The following SLMAP variants were observed in gnomAD, a reference collection of about 807,000 sequenced individuals.
The protein encoded by SLMAP is sarcolemmal membrane-associated protein.
Under a neutral mutation model 128.8 loss-of-function variants are expected in SLMAP, and 44 were observed. The observed-to-expected ratio is 0.34, with a 90% CI of 0.27 to 0.44. The LOEUF (loss-of-function observed/expected upper bound fraction) is 0.44, where lower values mean the gene tolerates loss of function less well. SLMAP is among the 20% of genes least tolerant of loss of function. The pLI, the probability that SLMAP is intolerant of heterozygous loss-of-function variation, is 1.00. For synonymous variants in SLMAP, 327 were observed against 348.8 expected, an observed-to-expected ratio of 0.94 and a Z score of 0.70; for missense variants, 787 against 985.3, an observed-to-expected ratio of 0.80 and a Z score of 2.69.
intron 13 of SLMAP, among the ~76,000 whole-genome samples, chr3:57,868,251 C>A (rs1456951318): frequency 6.6e-6 from 1 of 151,636 alleles, no homozygotes; most frequent in East Asian, 1.9e-4. Context: ...AGAGTGAGAC[C>A]CCATCTCAAA....
Position 57,857,028 on chromosome 3 carries a change from C to T in SLMAP, c.520-705C>T, listed in dbSNP as rs531905299. 1.3e-4 allele frequency among the ~76,000 whole-genome samples: 20 copies of T among 152,074 alleles called. No homozygotes were observed. The East Asian group carries it at 3.3e-3, about 25-fold the overall frequency. ...TATGTGTGTATGCATAGATATATGT[C>T]TACATACACACAGTGTGTATGTATG... On this transcript the variant is annotated intron_variant, in intron 6 of 24. Transcript: ENST00000671191.
intron 3 of SLMAP, among the ~76,000 whole-genome samples, chr3:57,832,460 C>T (rs755040012): frequency 1.3e-5 from 2 of 152,168 alleles, no homozygotes; most frequent in Non-Finnish European, 2.9e-5. Context: ...AAGCTTCCTG[C>T]CTCTACCTAG....
chr3:57,869,391 C>T (rs755431747), intron 13 of SLMAP, among the ~76,000 whole-genome samples: 3 of 151,116 alleles, frequency 2.0e-5, no homozygotes, highest in Non-Finnish European at 2.9e-5. Flanking sequence ...CAGACACACC[C>T]AGGATTAATA....
chr3:57,911,713 G>A (rs970907710), intron 19 of SLMAP, among the ~76,000 whole-genome samples: 2 of 152,016 alleles, frequency 1.3e-5, no homozygotes, highest in African/African-American at 4.8e-5. Flanking sequence ...CAAATTAATA[G>A]ATAATATGAT....
chr3:57,924,554 A>T (rs925346655), intron 23 of SLMAP, among the ~76,000 whole-genome samples: 1 of 151,892 alleles, frequency 6.6e-6, no homozygotes, highest in African/African-American at 2.4e-5. Context: ...TTTAGTAGAG[A>T]TGGGGTTTCT....
At chr3:57,919,218 T>G (rs1325774217) in intron 22 of SLMAP, among the ~76,000 whole-genome samples, 2 of 151,978 alleles carry the variant, frequency 1.3e-5, no homozygotes, top group African/African-American at 4.8e-5. Flanking sequence ...CCGTCTATAC[T>G]AAAAATACAA....
intron 3 of SLMAP, among the ~76,000 whole-genome samples, chr3:57,831,884 TC>T (rs2093359198): frequency 6.6e-6 from 1 of 152,210 alleles, no homozygotes; most frequent in Non-Finnish European, 1.5e-5. Flanking sequence ...CTCAATGAGA[TC>T]ATCAGGGATC....
chr3:57,773,992 CAATG>C (rs1311509438), intron 2 of SLMAP, among the ~76,000 whole-genome samples: 1 of 151,916 alleles, frequency 6.6e-6, no homozygotes, highest in Admixed American at 6.6e-5. Context: ...TTGAATAAAA[CAATG>C]AAAGAAGTTA....
chr3:57,919,154 G>A (rs1244396568), intron 22 of SLMAP, among the ~76,000 whole-genome samples: 1 of 152,228 alleles, frequency 6.6e-6, no homozygotes, highest in East Asian at 1.9e-4. Context: ...GCCAAGGCGG[G>A]CAGCTCACCT....
chr3:57,887,104 A>G (rs1007156703), intron 14 of SLMAP, among the ~76,000 whole-genome samples: 1 of 152,182 alleles, frequency 6.6e-6, no homozygotes, highest in Non-Finnish European at 1.5e-5. Flanking sequence ...AAGAGACTAC[A>G]CACTGAGGAA....
chr3:57,848,230 T>G (rs1023093004), intron 5 of SLMAP, among the ~76,000 whole-genome samples: 2 of 150,860 alleles, frequency 1.3e-5, no homozygotes, highest in African/African-American at 4.9e-5. Flanking sequence ...CTTTTCCTCC[T>G]TCTTGGTTTT....
At chr3:57,829,762 T>TAATGA (rs2093205722) in intron 2 of SLMAP, among the ~76,000 whole-genome samples, 1 of 152,194 alleles carries the variant, frequency 6.6e-6, no homozygotes, top group African/African-American at 2.4e-5. Context: ...AGCTACCAAT[T>TAATGA]AATGAAATGA....
At chr3:57,762,710 GTTT>G (rs752054975) in intron 2 of SLMAP, among the ~76,000 whole-genome samples, 1 of 107,756 alleles carries the variant, frequency 9.3e-6, no homozygotes, top group South Asian at 3.6e-4. Context: ...TAGTAGAATG[GTTT>G]TTTTTTTTTT....
At position 57,925,939 on chromosome 3, in the gene SLMAP, A is replaced by G. The variant is rs1244075406; in HGVS notation, c.*6+5A>G. 2 of 1,545,786 alleles carry G rather than the reference A, an allele frequency of 1.3e-6. No individual in the cohort carries two copies. Among genetic ancestry groups the G allele is most frequent in the Non-Finnish European group, 1.8e-6 (2 of 1,142,402 alleles). Reference sequence around the variant, plus strand: ...GGTCCATTGTGGTAGAGAAAGGTACAAGCACTATTGTTGAGTCCTTGTCTG... The same window carrying G: ...GGTCCATTGTGGTAGAGAAAGGTACGAGCACTATTGTTGAGTCCTTGTCTG... On this transcript the variant is annotated splice_donor_5th_base_variant and intron_variant, in intron 24 of 24. Coordinates refer to ENST00000671191, the MANE Select transcript of SLMAP (RefSeq NM_001377540.1).
chr3:57,909,886 A>C (rs537253646), intron 19 of SLMAP, among the ~76,000 whole-genome samples: 1 of 151,090 alleles, frequency 6.6e-6, no homozygotes, highest in Admixed American at 6.6e-5. Flanking sequence ...TGCTGGGATT[A>C]CAGGTGTGAG....
chr3:57,768,890 T>G (rs1033807217), intron 2 of SLMAP, among the ~76,000 whole-genome samples: 5 of 152,124 alleles, frequency 3.3e-5, no homozygotes, highest in Non-Finnish European at 7.3e-5. Flanking sequence ...ACACAACAGC[T>G]CTTCCCTGAA....
chr3:57,919,165 G>A (rs1239248480), intron 22 of SLMAP, among the ~76,000 whole-genome samples: 9 of 152,336 alleles, frequency 5.9e-5, no homozygotes, highest in African/African-American at 2.2e-4. Flanking sequence ...CAGCTCACCT[G>A]AGGTCAGGAG....
At chr3:57,772,472 G>A (rs1333287058) in intron 2 of SLMAP, among the ~76,000 whole-genome samples, 6 of 152,196 alleles carry the variant, frequency 3.9e-5, no homozygotes, top group East Asian at 1.9e-4. Flanking sequence ...CAGAAGTGGC[G>A]TTGTGCAGAC....
intron 3 of SLMAP, among the ~76,000 whole-genome samples, chr3:57,835,782 CATAT>C (rs1365890450): frequency 6.6e-6 from 1 of 152,098 alleles, no homozygotes; most frequent in Non-Finnish European, 1.5e-5. Flanking sequence ...ACTAAATTTG[CATAT>C]ATAAACAAGA....
Sources: gnomAD v4.1 joint callset for allele counts (sites outside exome capture counted in the v4.1 genomes callset) on GRCh38, gnomAD v4.1.1 for gene constraint, MANE v1.5 for transcripts, NCBI Gene and HGNC (gene_info 2026-07-23, HGNC 2026-07-21) for gene names.